The following DZANK1 variants were observed in gnomAD, a reference collection of about 807,000 sequenced individuals.
DZANK1 encodes the protein double zinc ribbon and ankyrin repeat domains 1, also known as double zinc ribbon and ankyrin repeat-containing protein 1.
In DZANK1, 91 loss-of-function variants were observed where a neutral mutation model predicts 94.5. That is an observed-to-expected ratio of 0.96 (90% CI 0.81 to 1.15). The LOEUF (loss-of-function observed/expected upper bound fraction) is 1.15, where lower values mean the gene tolerates loss of function less well. Among genes scored for constraint, DZANK1 ranks in the 50% most tolerant of loss-of-function variants. DZANK1 has a pLI of 0.00. For missense variants in DZANK1, 903 were observed against 916.4 expected (o/e 0.99, Z 0.19); for synonymous variants, 312 against 325.3 (o/e 0.96, Z 0.44).
intron 13 of DZANK1, among the ~76,000 whole-genome samples, chr20:18,409,651 T>G (rs1019857038): frequency 1.3e-5 from 2 of 152,002 alleles, no homozygotes; most frequent in Admixed American, 1.3e-4. Flanking sequence ...AAATGCATAT[T>G]TCTTTTCCCT....
chr20:18,438,443 AAC>A (rs1291579341), intron 8 of DZANK1, among the ~76,000 whole-genome samples: 1 of 152,170 alleles, frequency 6.6e-6, no homozygotes, highest in African/African-American at 2.4e-5. Context: ...GTCTACTAGA[AAC>A]ACACCTTAAA....
intron 10 of DZANK1, among the ~76,000 whole-genome samples, chr20:18,425,742 T>C (rs1186241162): frequency 6.6e-6 from 1 of 152,108 alleles, no homozygotes; most frequent in Non-Finnish European, 1.5e-5. Flanking sequence ...GTGACTGGTG[T>C]CCTTATGAAA....
intron 10 of DZANK1, among the ~76,000 whole-genome samples, chr20:18,425,335 G>A (rs962354838): frequency 2.6e-5 from 4 of 152,128 alleles, no homozygotes; most frequent in African/African-American, 7.2e-5. Flanking sequence ...GGCGGATCAC[G>A]AGGTCAGGCG....
At position 18,461,910 on chromosome 20, in the gene DZANK1, A is replaced by G. The variant is rs544763131; in HGVS notation, c.110-1604T>C. On this transcript the variant is annotated intron_variant, in intron 2 of 20. Transcript: ENST00000262547. ...CCACCATGCCCTGCCAGCATTTGTA[A>G]TCTTGATTAATATTTCCAAACTGCC... Among the ~76,000 whole-genome samples, 3 of 152,080 alleles carry G rather than the reference A, an allele frequency of 2.0e-5. No homozygotes were observed. In the East Asian group the frequency reaches 5.8e-4, roughly 29 times the overall value.
chr20:18,448,147 T>G (rs2058952729), intron 7 of DZANK1, among the ~76,000 whole-genome samples: 1 of 152,190 alleles, frequency 6.6e-6, no homozygotes, highest in South Asian at 2.1e-4. Flanking sequence ...TTCCCATCAA[T>G]AAGTGAATGG....
intron 15 of DZANK1, chr20:18,394,878 T>C: frequency 2.2e-6 from 1 of 456,718 alleles, no homozygotes; most frequent in South Asian, 1.5e-5. Context: ...GGAAATAATA[T>C]GACCTACCTC....
At chr20:18,425,048 T>G (rs2057977051) in intron 10 of DZANK1, among the ~76,000 whole-genome samples, 1 of 152,198 alleles carries the variant, frequency 6.6e-6, no homozygotes, top group African/African-American at 2.4e-5. Flanking sequence ...GAAAGAAGAA[T>G]GAGAAAACTT....
intron 8 of DZANK1, among the ~76,000 whole-genome samples, chr20:18,437,354 G>A (rs1024465093): frequency 7.9e-5 from 12 of 152,148 alleles, no homozygotes; most frequent in African/African-American, 2.4e-4. Flanking sequence ...CAAGGCAGGC[G>A]GATCACTTGA....
At chr20:18,411,884 TGCCTCGTTGCTGCATCCTCCAAAGGAGG>T in intron 13 of DZANK1, among the ~76,000 whole-genome samples, 1 of 152,300 alleles carries the variant, frequency 6.6e-6, no homozygotes, top group East Asian at 1.9e-4. Flanking sequence ...TCCAAAATGG[TGCCTCGTTGCTGCATCCTCCAAAGGAGG>T]GCAACGTTGT....
At chr20:18,411,384 T>C (rs2057249584) in intron 13 of DZANK1, among the ~76,000 whole-genome samples, 2 of 152,094 alleles carry the variant, frequency 1.3e-5, no homozygotes, top group Non-Finnish European at 2.9e-5. Context: ...AATAAATTAA[T>C]CAGATGAAAT....
chr20:18,454,386 T>C lies in DZANK1; in HGVS notation c.379-559A>G, dbSNP rs988344673. On this transcript the variant is annotated intron_variant, in intron 4 of 20. Transcript: ENST00000262547. The stretch of plus-strand genomic sequence containing the variant: ...CATGCCTGCATCTACCAACCTCCTC[T>C]CTAGCATCAGGTTCATGGTCAAGCT... 27 of 203,824 alleles carry C rather than the reference T, an allele frequency of 1.3e-4. 1 individual carries two copies. Among genetic ancestry groups the C allele is most frequent in the African/African-American group, 5.5e-4 (24 of 43,298 alleles). 12.6% of individuals were successfully genotyped at this position (203,824 alleles called of 1,614,324 possible). A position where few individuals can be genotyped will look rare whatever the true frequency, so the allele number is the denominator to read the frequency against.
intron 7 of DZANK1, among the ~76,000 whole-genome samples, chr20:18,447,861 C>T (rs543763214): frequency 2.0e-5 from 3 of 152,224 alleles, no homozygotes; most frequent in African/African-American, 4.8e-5. Flanking sequence ...TAAAATGGAA[C>T]AATCACTTTG....
chr20:18,443,550 T>A, intron 7 of DZANK1, 86 bp from the exon 8 acceptor site: 2 of 748,138 alleles, frequency 2.7e-6, no homozygotes, highest in Non-Finnish European at 4.2e-6. Context: ...GGTCAAACAG[T>A]TTTAAACACA....
chr20:18,395,424 T>G (rs535540384), intron 15 of DZANK1, among the ~76,000 whole-genome samples: 1 of 152,242 alleles, frequency 6.6e-6, no homozygotes, highest in Admixed American at 6.5e-5. Flanking sequence ...TTACTCCAAT[T>G]CTACTTGTGA....
chr20:18,431,039 T>C (rs1335483754), intron 9 of DZANK1, among the ~76,000 whole-genome samples: 1 of 152,070 alleles, frequency 6.6e-6, no homozygotes, highest in African/African-American at 2.4e-5. Context: ...TTCAGAGAAA[T>C]AGAAATGGAG....
At chr20:18,445,796 G>A (rs868267759) in intron 7 of DZANK1, among the ~76,000 whole-genome samples, 4 of 152,048 alleles carry the variant, frequency 2.6e-5, no homozygotes, top group African/African-American at 9.7e-5. Context: ...TTCCTCTGTC[G>A]CACAGGCTGA....
chr20:18,449,344 AC>A (rs2059009196), intron 6 of DZANK1, among the ~76,000 whole-genome samples: 1 of 151,958 alleles, frequency 6.6e-6, no homozygotes, highest in Non-Finnish European at 1.5e-5. Flanking sequence ...ACAAATCTGC[AC>A]CCCCTGAACC....
At chr20:18,453,897 G>GA in intron 4 of DZANK1, 70 bp from the exon 5 acceptor site, 1 of 972,046 alleles carries the variant, frequency 1.0e-6, no homozygotes, top group Non-Finnish European at 1.7e-6. Context: ...GCATGATAGA[G>GA]AAAGTGTCAT....
intron 3 of DZANK1, 90 bp from the exon 4 acceptor site, chr20:18,455,451 T>A: frequency 1.3e-6 from 1 of 788,586 alleles, no homozygotes. Flanking sequence ...TAAAGTGCCT[T>A]AGTCTAGCTA....
Sources: gnomAD v4.1 joint callset for allele counts (sites outside exome capture counted in the v4.1 genomes callset) on GRCh38, gnomAD v4.1.1 for gene constraint, MANE v1.5 for transcripts, NCBI Gene and HGNC (gene_info 2026-07-23, HGNC 2026-07-21) for gene names.